RNF213: variants seen among roughly 807,000 people sequenced by gnomAD.
RNF213 encodes the protein E3 ubiquitin-protein ligase RNF213.
A neutral mutation model predicts 514.4 loss-of-function variants in RNF213; 341 were observed. The ratio of observed to expected loss-of-function variants is 0.66; its 90% CI spans 0.61 to 0.73. The LOEUF is 0.73. RNF213 is among the 30% of genes least tolerant of loss of function. RNF213 has a pLI of 0.00. For synonymous variants in RNF213, 2,655 were observed against 2,658.2 expected (o/e 1.00, Z 0.04); for missense variants, 5,767 against 6,615.6 (o/e 0.87, Z 4.45).
At chr17:80,328,510 G>A in intron 20 of RNF213, 33 bp downstream of exon 20, 1 of 1,536,194 alleles carries the variant, frequency 6.5e-7, no homozygotes, top group Non-Finnish European at 8.7e-7. Flanking sequence ...AAAGTTGAGG[G>A]CTCTCAAAGG....
chr17:80,335,647 G>A (rs1249101259), intron 22 of RNF213, among the ~76,000 whole-genome samples: 1 of 152,196 alleles, frequency 6.6e-6, no homozygotes, highest in Non-Finnish European at 1.5e-5. Context: ...CATTGAAATT[G>A]CTCAGGAACG....
In RNF213 at chr17:80,359,815, C is replaced by T. The variant is rs148072359; in HGVS notation, c.11055-246C>T. On this transcript the variant is annotated intron_variant, in intron 37 of 67. Coordinates refer to ENST00000582970, the MANE Select transcript of RNF213 (RefSeq NM_001256071.3). ...GTTCTGCCCGAGATTTTGGGCAACA[C>T]ACTTGACCCCTGTCAGCCTTGGTTT... Among the ~76,000 whole-genome samples, 745 of 152,310 alleles carry T rather than the reference C, an allele frequency of 4.9e-3. 3 individuals carry two copies. The highest frequency in any genetic ancestry group is 0.017 in the African/African-American group (699 of 41,558).
chr17:80,264,087 G>C lies in RNF213; in HGVS notation c.97+309G>C, dbSNP rs1490302534. On this transcript the variant is annotated intron_variant, in intron 2 of 67. Coordinates refer to ENST00000582970, the MANE Select transcript of RNF213 (RefSeq NM_001256071.3). The surrounding 1 kb of genome is among the most constrained non-coding windows in gnomAD (Gnocchi z 5.0). ...GGGAGGAGAGGGCAGGGCCAGGGCA[G>C]GGAGAGGACAAAACAAGAAGTTTTG... Among the ~76,000 whole-genome samples the C allele has an allele frequency of 6.6e-6, 1 of 152,254 alleles. No homozygotes were observed. The highest frequency in any genetic ancestry group is 1.5e-5 in the Non-Finnish European group (1 of 68,048).
chr17:80,353,039 C>A lies in RNF213; in HGVS notation c.10403C>A (p.Ala3468Glu). ...LQHVTISQLF[A>E]PGDLPELGLE... ...CATGTCACCATCAGCCAGCTGTTCG[C>A]GCCCGGAGACTTGCCTGAGCGTGAG... The change falls in exon 33 of 68, where the codon GCG becomes GAG. Residue 3468 changes from alanine to glutamate, a missense_variant. By Grantham distance (107) the Ala-to-Glu change is moderately radical. This residue lies in a region of RNF213 where 919 missense variants were observed against 1,121.0 expected (regional missense o/e 0.82). Coordinates refer to ENST00000582970, the MANE Select transcript of RNF213 (RefSeq NM_001256071.3). The surrounding 1 kb of genome is among the most constrained non-coding windows in gnomAD (Gnocchi z 5.0). The A allele has an allele frequency of 6.2e-7, 1 of 1,613,060 alleles. No homozygotes were observed. The highest frequency in any genetic ancestry group is 8.5e-7 in the Non-Finnish European group (1 of 1,180,032).
At chr17:80,392,557 T>G (rs1374666056) in intron 67 of RNF213, among the ~76,000 whole-genome samples, 1 of 152,042 alleles carries the variant, frequency 6.6e-6, no homozygotes, top group Non-Finnish European at 1.5e-5. Context: ...CTAGTCCCAG[T>G]TCAGGAGCTC....
At chr17:80,307,362 GTTTTT>G (rs58826434) in intron 13 of RNF213, among the ~76,000 whole-genome samples, 161 bp downstream of exon 13, 1 of 113,720 alleles carries the variant, frequency 8.8e-6, no homozygotes, top group South Asian at 3.0e-4. Context: ...ATTGTCGTCT[GTTTTT>G]TTTTTTTTTT....
At position 80,393,450 on chromosome 17, in the gene RNF213, A is replaced by C; in HGVS notation, c.15576A>C (p.Ser5192=). The C allele has an allele frequency of 2.5e-6, 4 of 1,614,222 alleles. No individual in the cohort carries two copies. Among genetic ancestry groups the C allele is most frequent in the Non-Finnish European group, 3.4e-6 (4 of 1,180,026 alleles). The change falls in exon 68 of 68, where the codon TCA becomes TCC. Residue 5192 remains serine, a synonymous_variant. Coordinates refer to ENST00000582970, the MANE Select transcript of RNF213 (RefSeq NM_001256071.3). ...PEEILLASCV[S]VWKTAAVLKW... is the part of the protein sequence containing the mutation. ...AGATACTGCTCGCCAGCTGTGTCTC[A>C]GTGTGGAAAACAGCTGCTGTGCTGA...
chr17:80,307,593 A>G (rs2080811716), intron 13 of RNF213, among the ~76,000 whole-genome samples: 1 of 148,098 alleles, frequency 6.8e-6, no homozygotes, highest in African/African-American at 2.5e-5. Flanking sequence ...CTTGTTGCCC[A>G]AGCTGGAGTG....
Position 80,297,342 on chromosome 17 carries a change from C to G in RNF213, c.2013-979C>G, listed in dbSNP as rs997541292. 2.0e-5 allele frequency among the ~76,000 whole-genome samples: 3 copies of G among 151,730 alleles called. No individual in the cohort carries two copies. In the South Asian group the frequency reaches 6.2e-4, roughly 32 times the overall value. ...GTGCATGCCTGTAATCCCAGCTACT[C>G]AGGAGGCTGAGGCAGGAGAATCACG... On this transcript the variant is annotated intron_variant, in intron 10 of 67. Transcript: ENST00000582970.
intron 41 of RNF213, among the ~76,000 whole-genome samples, chr17:80,364,056 C>T (rs986974286): frequency 1.3e-5 from 2 of 152,116 alleles, no homozygotes; most frequent in African/African-American, 4.8e-5. Context: ...ATTGTGATGC[C>T]GTGTGAGAAA....
At chr17:80,340,519 C>T in intron 26 of RNF213, 163 bp downstream of exon 26, 3 of 655,942 alleles carry the variant, frequency 4.6e-6, no homozygotes, top group Non-Finnish European at 7.8e-6. Context: ...GAACCAGGCA[C>T]CCTGGTCACC....
At position 80,346,461 on chromosome 17, in the gene RNF213, G is replaced by C. The variant is rs185670413; in HGVS notation, c.8126G>C (p.Arg2709Thr). ...GACTCATATCGGAAAGCCATCGCCA[G>C]GTTCTTTCCGAAACCGTATGACGAC... ...KKDSYRKAIA[R>T]FFPKPYDDSR... Residue 2709 changes from arginine (R) to threonine (T), a missense_variant, in exon 29 of 68, where the codon AGG becomes ACG. Physicochemically the swap from Arg to Thr is moderately conservative, Grantham distance 71. Around this residue, in one of 13 missense-constraint regions of RNF213, gnomAD observed 1,377 missense variants for 1,635.2 expected, o/e 0.84. Transcript: ENST00000582970. This position sits in a 1 kb window ranked among gnomAD's most constrained non-coding sequence, Gnocchi z 8.1. 4.4e-5 allele frequency: 71 copies of C among 1,613,850 alleles called. No individual in the cohort carries two copies. In the East Asian group the frequency reaches 1.0e-3, roughly 23 times the overall value.
intron 61 of RNF213, 69 bp from the exon 62 acceptor site, chr17:80,386,181 C>T: frequency 1.3e-6 from 2 of 1,497,338 alleles, no homozygotes; most frequent in South Asian, 1.1e-5. Flanking sequence ...TGCATCCCTC[C>T]TCCCCACGCC....
chr17:80,271,057 T>C (rs928365198), intron 2 of RNF213, among the ~76,000 whole-genome samples: 1 of 151,982 alleles, frequency 6.6e-6, no homozygotes, highest in African/African-American at 2.4e-5. Flanking sequence ...CCAGGGTAAA[T>C]ATCGGCCCTG....
At chr17:80,331,955 G>A in intron 20 of RNF213, 51 bp from the exon 21 acceptor site, 5 of 1,503,362 alleles carry the variant, frequency 3.3e-6, no homozygotes, top group Non-Finnish European at 4.4e-6. Flanking sequence ...GAAATAAAAT[G>A]GAATCATGAT....
intron 36 of RNF213, among the ~76,000 whole-genome samples, chr17:80,355,672 AG>A (rs200484293): frequency 0.059 from 423 of 7,152 alleles, 56 homozygotes; most frequent in Middle Eastern, 0.12. Flanking sequence ...GGGGGCTTAC[AG>A]GGGGAAGAAG....
chr17:80,381,672 G>A lies in RNF213; in HGVS notation c.13923G>A (p.Val4641=). 1 of 1,614,140 alleles carries A rather than the reference G, an allele frequency of 6.2e-7. No homozygotes were observed. The highest frequency in any genetic ancestry group is 8.5e-7 in the Non-Finnish European group (1 of 1,180,026). Residue 4641 remains valine, a synonymous_variant, in exon 57 of 68, where the codon GTG becomes GTA. Transcript: ENST00000582970. ...LGHSADETIG[V]VHLVLRRLLQ... The stretch of plus-strand genomic sequence containing the variant: ...ACAGTGCCGACGAGACCATCGGCGT[G>A]GTCCACCTCGTCCTGCGCAGGCTTC...
chr17:80,387,831 C>T (rs1599214676), intron 63 of RNF213, among the ~76,000 whole-genome samples: 1 of 152,338 alleles, frequency 6.6e-6, no homozygotes, highest in East Asian at 1.9e-4. Context: ...AGCCACACAG[C>T]AGGCACTTTC....
chr17:80,346,191 T>G lies in RNF213; in HGVS notation c.7856T>G (p.Leu2619Arg). Residue 2619 changes from leucine to arginine, a missense_variant, in exon 29 of 68, where the codon CTC becomes CGC. By Grantham distance (102) the Leu-to-Arg change is moderately radical. Coordinates refer to ENST00000582970, the MANE Select transcript of RNF213 (RefSeq NM_001256071.3). The surrounding 1 kb of genome is among the most constrained non-coding windows in gnomAD (Gnocchi z 8.1). Reference sequence around the variant, plus strand: ...GGGACTCGCGTGATCACAGAAGTCCTCTGCGCCTCTCAGGGTTTCATGAGG... The same window carrying G: ...GGGACTCGCGTGATCACAGAAGTCCGCTGCGCCTCTCAGGGTTTCATGAGG... ...ENGTRVITEV[L>R]CASQGFMRKT... The G allele has an allele frequency of 6.2e-7, 1 of 1,614,192 alleles. No homozygotes were observed. The highest frequency in any genetic ancestry group is 1.1e-5 in the South Asian group (1 of 91,082).
Sources: gnomAD v4.1 joint callset for allele counts (sites outside exome capture counted in the v4.1 genomes callset) on GRCh38, gnomAD v4.1.1 for gene constraint, gnomAD v4.1.1 regional missense constraint, Gnocchi (gnomAD v3.1) non-coding constraint, MANE v1.5 for transcripts, NCBI Gene and HGNC (gene_info 2026-07-23, HGNC 2026-07-21) for gene names.